LDLRAD3: variants seen among roughly 807,000 people sequenced by gnomAD.
LDLRAD3 encodes low density lipoprotein receptor class A domain containing 3.
A neutral mutation model predicts 29.4 loss-of-function variants in LDLRAD3; 20 were observed. The ratio of observed to expected loss-of-function variants is 0.68; its 90% confidence interval spans 0.48 to 0.99. The LOEUF (loss-of-function observed/expected upper bound fraction) is 0.99, where lower values mean the gene tolerates loss of function less well. LDLRAD3 is among the 50% of genes least tolerant of loss of function. The pLI is 0.00. For missense variants in LDLRAD3, 420 were observed against 454.3 expected (o/e 0.92, Z 0.69); for synonymous variants, 157 against 192.7 (o/e 0.81, Z 1.53).
At chr11:35,986,708 C>T (rs1340643550) in intron 1 of LDLRAD3, among the ~76,000 whole-genome samples, 4 of 152,194 alleles carry the variant, frequency 2.6e-5, no homozygotes, top group Non-Finnish European at 5.9e-5. Flanking sequence ...TCTGTTCACC[C>T]TAAAAGTGAT....
chr11:36,197,428 G>A (rs964808525), intron 4 of LDLRAD3: 1 of 152,196 alleles, frequency 6.6e-6, no homozygotes, highest in Non-Finnish European at 1.5e-5. Flanking sequence ...CCAACTGCCC[G>A]GGTTGATAAC....
chr11:35,971,831 T>C (rs180679213), intron 1 of LDLRAD3, among the ~76,000 whole-genome samples: 61 of 151,338 alleles, frequency 4.0e-4, no homozygotes, highest in African/African-American at 1.4e-3. Context: ...TCTACAGAGG[T>C]GGGAGGAAGA....
intron 4 of LDLRAD3, among the ~76,000 whole-genome samples, chr11:36,128,117 C>CAT (rs57687795): frequency 0.033 from 3,238 of 98,852 alleles, 360 homozygotes; most frequent in African/African-American, 0.094. Flanking sequence ...GTTGTTTTTA[C>CAT]ATATATATAT....
rs755997476 is a variant in LDLRAD3 at position 36,227,316 on chromosome 11, G to GCAACGTCACCTA, written c.695_706dup (p.Thr232_Val235dup). The GCAACGTCACCTA allele has an allele frequency of 4.1e-5, 66 of 1,614,066 alleles. No individual in the cohort carries two copies. Among genetic ancestry groups the GCAACGTCACCTA allele is most frequent in the Non-Finnish European group, 3.9e-5 (46 of 1,180,038 alleles). ...GTGGTCCTGGACCACCCCCACCACTGCAACGTCACCTACAACGTCAATAAT... is the reference window on the plus strand; with the variant it reads ...GTGGTCCTGGACCACCCCCACCACTGCAACGTCACCTACAACGTCACCTACAACGTCAATAAT... On this transcript the variant is annotated inframe_insertion, in exon 5 of 6. Transcript: ENST00000315571.
chr11:36,171,373 C>A (rs896218975), intron 4 of LDLRAD3, among the ~76,000 whole-genome samples: 1 of 152,114 alleles, frequency 6.6e-6, no homozygotes, highest in South Asian at 2.1e-4. Context: ...TTTGCCTAAG[C>A]CCATGTCTGG....
At chr11:36,024,214 A>G (rs115626026) in intron 1 of LDLRAD3, among the ~76,000 whole-genome samples, 1,656 of 152,250 alleles carry the variant, frequency 0.011, 27 homozygotes, top group African/African-American at 0.038. Flanking sequence ...AGTAACATAT[A>G]CTAGTACCAT....
At chr11:36,160,658 T>C (rs1001403700) in intron 4 of LDLRAD3, among the ~76,000 whole-genome samples, 2 of 151,890 alleles carry the variant, frequency 1.3e-5, no homozygotes, top group Non-Finnish European at 2.9e-5. Context: ...TTTTCATAGG[T>C]ATCGTTTACC....
intron 4 of LDLRAD3, among the ~76,000 whole-genome samples, chr11:36,107,846 C>G (rs1364773791): frequency 6.6e-6 from 1 of 152,160 alleles, no homozygotes. Context: ...CAACGCATGA[C>G]TGTATTTTTG....
intron 4 of LDLRAD3, among the ~76,000 whole-genome samples, chr11:36,123,806 C>T (rs371021437): frequency 6.6e-6 from 1 of 152,252 alleles, no homozygotes; most frequent in Non-Finnish European, 1.5e-5. Context: ...GTGCCAACCA[C>T]CCGGACTCCT....
At chr11:36,097,553 G>C (rs769256183) in intron 3 of LDLRAD3, among the ~76,000 whole-genome samples, 30 of 152,108 alleles carry the variant, frequency 2.0e-4, no homozygotes, top group Non-Finnish European at 3.7e-4. Context: ...GAGGCATTTA[G>C]CATGTCGGGG....
intron 4 of LDLRAD3, among the ~76,000 whole-genome samples, chr11:36,144,640 C>T (rs1475964558): frequency 2.8e-5 from 2 of 72,166 alleles, no homozygotes; most frequent in Non-Finnish European, 5.5e-5. Flanking sequence ...AAGTGAGAAG[C>T]CCCTCCGCCC....
chr11:36,080,347 C>G (rs577911784), intron 2 of LDLRAD3, among the ~76,000 whole-genome samples: 2 of 152,310 alleles, frequency 1.3e-5, no homozygotes, highest in African/African-American at 4.8e-5. Context: ...CTCAATTAAG[C>G]CCAAGTTACA....
intron 4 of LDLRAD3, among the ~76,000 whole-genome samples, chr11:36,168,172 G>A (rs1426993549): frequency 6.6e-6 from 1 of 152,194 alleles, no homozygotes; most frequent in African/African-American, 2.4e-5. Context: ...CACTGGGATT[G>A]CTGTCTGCCA....
chr11:36,067,762 C>T (rs890913371), intron 2 of LDLRAD3, among the ~76,000 whole-genome samples: 1 of 152,234 alleles, frequency 6.6e-6, no homozygotes, highest in Non-Finnish European at 1.5e-5. Context: ...CCTCTGCCTC[C>T]TGGGCTGAAG....
chr11:36,160,881 G>A (rs1854430039), intron 4 of LDLRAD3, among the ~76,000 whole-genome samples: 2 of 151,996 alleles, frequency 1.3e-5, no homozygotes, highest in African/African-American at 2.4e-5. Context: ...TGCAACCTCC[G>A]CCTCCCAGGT....
intron 4 of LDLRAD3, among the ~76,000 whole-genome samples, chr11:36,173,315 T>C (rs1854624486): frequency 6.7e-6 from 1 of 150,164 alleles, no homozygotes; most frequent in Non-Finnish European, 1.5e-5. Context: ...TAGGTATATC[T>C]CCTAATGCTA....
At chr11:36,047,610 G>T (rs551903987) in intron 2 of LDLRAD3, among the ~76,000 whole-genome samples, 1 of 152,322 alleles carries the variant, frequency 6.6e-6, no homozygotes, top group Non-Finnish European at 1.5e-5. Flanking sequence ...CACCATGTGT[G>T]TATGTTTTCC....
At chr11:36,154,632 C>T (rs1487300386) in intron 4 of LDLRAD3, among the ~76,000 whole-genome samples, 2 of 152,194 alleles carry the variant, frequency 1.3e-5, no homozygotes, top group Admixed American at 6.5e-5. Flanking sequence ...TCCATACTGC[C>T]TGTAGCCTCC....
At chr11:35,952,503 G>A (rs1470804480) in intron 1 of LDLRAD3, among the ~76,000 whole-genome samples, 1 of 152,108 alleles carries the variant, frequency 6.6e-6, no homozygotes, top group East Asian at 1.9e-4. Flanking sequence ...TATCAGTATA[G>A]GTGTTGAAAT....
Sources: allele counts gnomAD v4.1 joint callset (sites outside exome capture counted in the v4.1 genomes callset), GRCh38; gene constraint gnomAD v4.1.1; transcripts MANE v1.5; gene names NCBI Gene and HGNC (gene_info 2026-07-23, HGNC 2026-07-21).